The following RSPH14 variants were observed in gnomAD, a reference collection of about 807,000 sequenced individuals.
RSPH14 encodes the protein rhabdoid tumor deletion region gene 1.
Under a neutral mutation model 26.7 loss-of-function variants are expected in RSPH14, and 20 were observed. The observed-to-expected ratio is 0.75, with a 90% CI of 0.53 to 1.09. The LOEUF (loss-of-function observed/expected upper bound fraction) is 1.09, where lower values mean the gene tolerates loss of function less well. RSPH14 is among the 50% of genes least tolerant of loss of function. The pLI is 0.00. For synonymous variants in RSPH14, 177 were observed against 189.3 expected (o/e 0.93, Z 0.53); for missense variants, 449 against 457.2 (o/e 0.98, Z 0.16).
At chr22:23,141,845 A>T (rs1043789489) in intron 1 of RSPH14, 104 bp downstream of exon 1, 2 of 403,570 alleles carry the variant, frequency 5.0e-6, no homozygotes, top group Non-Finnish European at 6.7e-6. Flanking sequence ...CGGAGACAAA[A>T]GACCGTGATT....
chr22:23,170,874 TCTGA>T, the RSPH14 span, among the ~76,000 whole-genome samples: 2 of 151,992 alleles, frequency 1.3e-5, no homozygotes, highest in Non-Finnish European at 2.9e-5. Flanking sequence ...AGAGATGGGG[TCTGA>T]CTATGTTCCC....
At chr22:23,143,965 G>A (rs764055349), upstream of RSPH14, among the ~76,000 whole-genome samples, 5 of 151,944 alleles carry the variant, frequency 3.3e-5, no homozygotes, top group Admixed American at 1.3e-4. Context: ...TGGTTGGTGC[G>A]CACCTGTGGT....
At chr22:23,123,326 C>T (rs2070085037) in intron 4 of RSPH14, 1 of 1,613,970 alleles carries the variant, frequency 6.2e-7, no homozygotes, top group African/African-American at 1.3e-5. Flanking sequence ...AGGAGATCTA[C>T]TCCCACTTCA....
chr22:23,120,495 G>A (rs1051958249), intron 4 of RSPH14, among the ~76,000 whole-genome samples: 2 of 152,092 alleles, frequency 1.3e-5, no homozygotes, highest in Admixed American at 6.5e-5. Context: ...AACTGTTTCC[G>A]CATCAGTGAG....
chr22:23,145,997 G>T, upstream of RSPH14: 1 of 985,350 alleles, frequency 1.0e-6, no homozygotes, highest in Non-Finnish European at 1.2e-6. Context: ...TACTTCCACT[G>T]CCTGAGCTGT....
intron 4 of RSPH14, among the ~76,000 whole-genome samples, chr22:23,066,868 C>A (rs977124139): frequency 1.3e-5 from 2 of 152,154 alleles, no homozygotes; most frequent in African/African-American, 4.8e-5. Flanking sequence ...AGACAAGCAA[C>A]ATATGCCCAC....
intron 4 of RSPH14, among the ~76,000 whole-genome samples, chr22:23,094,529 C>T (rs943456371): frequency 3.3e-5 from 5 of 152,200 alleles, no homozygotes; most frequent in African/African-American, 9.6e-5. Context: ...TGGATTTCCC[C>T]GCAGCACCAC....
chr22:23,172,786 T>C, the RSPH14 span, among the ~76,000 whole-genome samples: 1 of 146,996 alleles, frequency 6.8e-6, no homozygotes, highest in Non-Finnish European at 1.5e-5. Context: ...CCATCTCTAC[T>C]AAAAATACAA....
Position 23,077,019 on chromosome 22 carries a change from C to T in RSPH14, c.422-12886G>A, listed in dbSNP as rs757019291. On this transcript the variant is annotated intron_variant, in intron 4 of 6. Coordinates refer to ENST00000216036, the MANE Select transcript of RSPH14 (RefSeq NM_014433.3). ...TTCCTTATCTCAACTCTGGAGTGAC[C>T]GTCCAAAGCATGCTGTGCTGAAGAG... Among the ~76,000 whole-genome samples the T allele has an allele frequency of 3.3e-5, 5 of 152,152 alleles. 1 individual carries two copies. The highest frequency in any genetic ancestry group is 4.1e-4 in the South Asian group (2 of 4,826).
the RSPH14 span, chr22:23,156,268 G>A: frequency 2.2e-6 from 1 of 461,756 alleles, no homozygotes; most frequent in Non-Finnish European, 4.0e-6. Context: ...CTGGCTTTAA[G>A]TCTCAGCCCC....
the RSPH14 span, chr22:23,163,898 C>T: frequency 9.2e-4 from 140 of 152,380 alleles, no homozygotes; most frequent in African/African-American, 2.8e-3. Context: ...CTTCCTGTAG[C>T]AGCGCCCAGT....
the RSPH14 span, chr22:23,162,635 G>A: frequency 6.6e-6 from 3 of 456,148 alleles, no homozygotes; most frequent in Admixed American, 2.3e-5. Flanking sequence ...TCATCCACAG[G>A]GTTTTCTCAC....
chr22:23,131,826 C>T (rs2070365426), intron 4 of RSPH14: 1 of 426,316 alleles, frequency 2.3e-6, no homozygotes, highest in Non-Finnish European at 4.9e-6. Flanking sequence ...GGGCCCCACC[C>T]CCAGAGACTG....
intron 4 of RSPH14, among the ~76,000 whole-genome samples, chr22:23,079,300 A>G (rs995494156): frequency 6.6e-6 from 1 of 152,198 alleles, no homozygotes; most frequent in African/African-American, 2.4e-5. Flanking sequence ...TAAGGAAGGG[A>G]CATCTGAGCC....
chr22:23,168,259 A>G, the RSPH14 span, among the ~76,000 whole-genome samples: 1 of 152,160 alleles, frequency 6.6e-6, no homozygotes, highest in African/African-American at 2.4e-5. Flanking sequence ...ACTGGGAGGC[A>G]GCTCCCTCCA....
chr22:23,170,001 G>A, the RSPH14 span, among the ~76,000 whole-genome samples: 2 of 151,788 alleles, frequency 1.3e-5, no homozygotes, highest in African/African-American at 4.8e-5. Flanking sequence ...TGAGGCTGAG[G>A]TGGAAGGATC....
chr22:23,064,400 G>C (rs553148830), intron 4 of RSPH14, among the ~76,000 whole-genome samples: 1 of 152,140 alleles, frequency 6.6e-6, no homozygotes, highest in Non-Finnish European at 1.5e-5. Context: ...TGTGTCTCAG[G>C]GGGCATCTAC....
chr22:23,123,028 C>A, intron 4 of RSPH14: 2 of 1,156,576 alleles, frequency 1.7e-6, no homozygotes, highest in Non-Finnish European at 2.6e-6. Context: ...GGCTGCAGGT[C>A]TAGGGTCTGT....
intron 4 of RSPH14, among the ~76,000 whole-genome samples, chr22:23,076,446 C>A (rs2068509553): frequency 6.6e-6 from 1 of 152,202 alleles, no homozygotes; most frequent in South Asian, 2.1e-4. Flanking sequence ...AGAACCCCTG[C>A]TCCAGCTCAA....
Sources: gnomAD v4.1 joint callset for allele counts (sites outside exome capture counted in the v4.1 genomes callset) on GRCh38, gnomAD v4.1.1 for gene constraint, MANE v1.5 for transcripts, NCBI Gene and HGNC (gene_info 2026-07-23, HGNC 2026-07-21) for gene names.